Variants in TAB1 observed in about 807,000 individuals in gnomAD.
TAB1 encodes the protein TGF-beta-activated kinase 1 and MAP3K7-binding protein 1.
In TAB1, 30 loss-of-function variants were observed where a neutral mutation model predicts 54.5. The ratio of observed to expected loss-of-function variants is 0.55; its 90% confidence interval spans 0.41 to 0.75. The LOEUF is 0.75. Among genes scored for constraint, TAB1 ranks in the 30% least tolerant of loss-of-function variants. The pLI is 0.00. For missense variants in TAB1, 609 were observed against 683.2 expected (o/e 0.89, Z 1.21); for synonymous variants, 289 against 286.9 (o/e 1.01, Z -0.07).
At chr22:39,425,931 C>A (rs1385005179) in intron 8 of TAB1, among the ~76,000 whole-genome samples, 2 of 149,582 alleles carry the variant, frequency 1.3e-5, no homozygotes, top group East Asian at 2.0e-4. Context: ...GGTCTCGGCT[C>A]CCTGCAACCT....
At chr22:39,412,924 T>A (rs1251351149) in intron 1 of TAB1, among the ~76,000 whole-genome samples, 21 of 88,516 alleles carry the variant, frequency 2.4e-4, no homozygotes, top group South Asian at 3.9e-4. Flanking sequence ...TGAGATGGAG[T>A]CTTTTTTTGA....
chr22:39,419,786 CAAAA>C (rs201644827), intron 7 of TAB1, among the ~76,000 whole-genome samples, 156 bp downstream of exon 7: 2 of 136,278 alleles, frequency 1.5e-5, no homozygotes, highest in Admixed American at 1.5e-4. Context: ...GACCCTGTCT[CAAAA>C]AAAAAAAAAG....
chr22:39,427,973 GT>G (rs1249460194), intron 9 of TAB1, 47 bp from the exon 10 acceptor site: 3 of 1,526,384 alleles, frequency 2.0e-6, no homozygotes, highest in Non-Finnish European at 2.7e-6. Flanking sequence ...GCTACCCTGG[GT>G]TTCTCCTCAG....
At chr22:39,427,028 G>A (rs1029018559) in intron 9 of TAB1, 103 bp downstream of exon 9, 8 of 1,156,452 alleles carry the variant, frequency 6.9e-6, no homozygotes, top group African/African-American at 1.5e-5. Context: ...GGAGTCAGGA[G>A]GCCTGGCTCT....
At chr22:39,437,115 A>G (rs1927815119), downstream of TAB1, 1 of 152,368 alleles carries the variant, frequency 6.6e-6, no homozygotes, top group Non-Finnish European at 1.5e-5. Context: ...ATACATTAAA[A>G]TTTCTCTTTG....
rs1601702583 is a variant in TAB1, at chr22:39,430,644, A to C, written c.*422A>C. The stretch of plus-strand genomic sequence containing the variant: ...CCCTCCTCCCACCATCACCTCCCTC[A>C]CCTCGGGACAGTAGCCCTCCACTTC... On this transcript the variant is annotated 3_prime_UTR_variant, in exon 11 of 11. Coordinates refer to ENST00000216160, the MANE Select transcript of TAB1 (RefSeq NM_006116.3). 2 of 1,073,316 alleles carry C rather than the reference A, an allele frequency of 1.9e-6. No individual in the cohort carries two copies. Among genetic ancestry groups the C allele is most frequent in the South Asian group, 3.0e-5 (1 of 33,312 alleles). 66.5% of individuals were successfully genotyped at this position (1,073,316 alleles called of 1,614,324 possible).
intron 1 of TAB1, among the ~76,000 whole-genome samples, chr22:39,407,163 C>G (rs1926401318): frequency 6.6e-6 from 1 of 152,192 alleles, no homozygotes; most frequent in African/African-American, 2.4e-5. Flanking sequence ...GGTAGAAACT[C>G]ACAGGAAAAG....
intron 1 of TAB1, among the ~76,000 whole-genome samples, chr22:39,405,265 G>A (rs1766183199): frequency 6.6e-6 from 1 of 152,206 alleles, no homozygotes; most frequent in South Asian, 2.1e-4. Flanking sequence ...TAAAGGCCTT[G>A]TTGGGTTAAA....
At chr22:39,416,982 G>A (rs1443503609) in intron 4 of TAB1, 105 bp downstream of exon 4, 3 of 1,057,226 alleles carry the variant, frequency 2.8e-6, no homozygotes, top group Non-Finnish European at 2.8e-6. Flanking sequence ...AGCAACAGGC[G>A]TTAGGGAGCA....
intron 5 of TAB1, among the ~76,000 whole-genome samples, chr22:39,418,519 A>G (rs1198021507): frequency 6.6e-6 from 1 of 152,230 alleles, no homozygotes; most frequent in Non-Finnish European, 1.5e-5. Context: ...TATTAAGATC[A>G]TAATCCTATG....
At chr22:39,436,815 GTCC>G, downstream of TAB1, 1 of 539,734 alleles carries the variant, frequency 1.9e-6, no homozygotes. Flanking sequence ...CCCCAAGGCT[GTCC>G]TCTGTTCTGG....
chr22:39,421,827 C>T lies in TAB1; in HGVS notation c.777C>T (p.Ser259=), dbSNP rs757026895. The change falls in exon 8 of 11, where the codon AGC becomes AGT. Residue 259 remains serine, a splice_region_variant and synonymous_variant. Transcript: ENST00000216160. The stretch of plus-strand genomic sequence containing the variant: ...TCTTCCTTCCACTCTCTCCCCATAG[C>T]GCTGCCAAGTCCAAACCAATCATCG... ...KYGYTDIDLL[S]AAKSKPIIAE... The T allele has an allele frequency of 2.5e-5, 41 of 1,614,082 alleles. No homozygotes were observed. Among genetic ancestry groups the T allele is most frequent in the East Asian group, 6.7e-5 (3 of 44,870 alleles).
intron 1 of TAB1, among the ~76,000 whole-genome samples, chr22:39,413,990 G>A (rs973419921): frequency 2.0e-5 from 3 of 152,186 alleles, no homozygotes; most frequent in Non-Finnish European, 4.4e-5. Flanking sequence ...TGTTTAGGCC[G>A]GGGATGGGGC....
chr22:39,424,342 C>A (rs1195390331), intron 8 of TAB1, among the ~76,000 whole-genome samples: 1 of 151,864 alleles, frequency 6.6e-6, no homozygotes, highest in African/African-American at 2.4e-5. Flanking sequence ...GACTTATTTT[C>A]CTTTAGGTAG....
At chr22:39,432,915 TG>T (rs1927642392), downstream of TAB1, 10 of 985,278 alleles carry the variant, frequency 1.0e-5, no homozygotes, top group Non-Finnish European at 1.2e-5. Context: ...GGAATGGGTT[TG>T]AGGACTTAAG....
downstream of TAB1, chr22:39,433,625 T>C (rs773448685): frequency 8.1e-6 from 8 of 985,356 alleles, no homozygotes; most frequent in Non-Finnish European, 9.6e-6. Flanking sequence ...GGTCTGGTCG[T>C]CTCATTCTCT....
At chr22:39,434,929 C>T (rs1190258143), downstream of TAB1, among the ~76,000 whole-genome samples, 1 of 152,246 alleles carries the variant, frequency 6.6e-6, no homozygotes, top group Non-Finnish European at 1.5e-5. Flanking sequence ...GATCCAGCCT[C>T]CTACCTCCGG....
intron 7 of TAB1, among the ~76,000 whole-genome samples, chr22:39,420,775 C>CTGTGTGTGTGTGTG (rs71326771): frequency 6.7e-4 from 48 of 71,830 alleles, no homozygotes; most frequent in East Asian, 1.7e-3. Flanking sequence ...CACGGTGTCT[C>CTGTGTGTGTGTGTG]TGTGTGTGTG....
chr22:39,418,098 C>T (rs1308594946), intron 5 of TAB1, among the ~76,000 whole-genome samples: 2 of 152,178 alleles, frequency 1.3e-5, no homozygotes, highest in East Asian at 1.9e-4. Flanking sequence ...CTGGACGAGT[C>T]GTATCCCATT....
Sources: allele counts gnomAD v4.1 joint callset (sites outside exome capture counted in the v4.1 genomes callset), GRCh38; gene constraint gnomAD v4.1.1; transcripts MANE v1.5; gene names NCBI Gene and HGNC (gene_info 2026-07-23, HGNC 2026-07-21).